Variants in CTNNA2 observed in about 807,000 individuals in gnomAD.
CTNNA2 encodes the protein catenin alpha-2.
CTNNA2 carries 42 observed loss-of-function variants against 101.0 expected under a neutral mutation model. The observed-to-expected ratio is 0.42, with a 90% CI of 0.32 to 0.54. The LOEUF is 0.54. CTNNA2 is among the 20% of genes least tolerant of loss of function. CTNNA2 has a pLI of 0.14. For missense variants in CTNNA2, 871 were observed against 1,223.1 expected (o/e 0.71, Z 4.29); for synonymous variants, 450 against 456.4 (o/e 0.99, Z 0.18).
At chr2:79,857,413 A>C (rs1387970697) in intron 3 of CTNNA2, among the ~76,000 whole-genome samples, 2 of 152,230 alleles carry the variant, frequency 1.3e-5, no homozygotes, top group African/African-American at 4.8e-5. Context: ...CTAGTACAGA[A>C]TCTGACACAA....
chr2:79,443,903 A>ACTCTCT (rs3979544), intron 4 of CTNNA2, among the ~76,000 whole-genome samples: 1,577 of 141,882 alleles, frequency 0.011, 13 homozygotes, highest in East Asian at 0.033. Context: ...TTGTATACAT[A>ACTCTCT]CTCTCTCTCT....
At chr2:80,456,138 T>A (rs1683957242) in intron 9 of CTNNA2, among the ~76,000 whole-genome samples, 2 of 152,164 alleles carry the variant, frequency 1.3e-5, no homozygotes, top group African/African-American at 4.8e-5. Flanking sequence ...GCTGAATGCA[T>A]CTCCTTCAGT....
chr2:80,289,930 G>A (rs1325524648), intron 7 of CTNNA2, among the ~76,000 whole-genome samples: 1 of 152,186 alleles, frequency 6.6e-6, no homozygotes, highest in Non-Finnish European at 1.5e-5. Flanking sequence ...TTAAATCCCT[G>A]TGGAGGAGAG....
At chr2:80,169,205 G>C (rs1366083458) in intron 7 of CTNNA2, among the ~76,000 whole-genome samples, 1 of 152,186 alleles carries the variant, frequency 6.6e-6, no homozygotes, top group Non-Finnish European at 1.5e-5. Context: ...TCCCCCAAAT[G>C]CTGTTATTTG....
At position 80,236,964 on chromosome 2, in the gene CTNNA2, T is replaced by C. The variant is rs116066154; in HGVS notation, c.1057-156247T>C. Among the ~76,000 whole-genome samples the C allele has an allele frequency of 6.9e-3, 1,048 of 152,280 alleles. 4 individuals carry two copies. Among genetic ancestry groups the C allele is most frequent in the Non-Finnish European group, 9.3e-3 (630 of 68,020 alleles). ...AGGGAAAGCAAAGAGAAGGAAGCTT[T>C]TTCAAACCTCTGTTTTAAGAGAGAA... On this transcript the variant is annotated intron_variant, in intron 7 of 18. Transcript: ENST00000402739.
intron 7 of CTNNA2, among the ~76,000 whole-genome samples, chr2:80,009,010 G>A (rs1388519666): frequency 6.6e-6 from 1 of 152,192 alleles, no homozygotes; most frequent in African/African-American, 2.4e-5. Context: ...ACAAAACAAA[G>A]TGAAAGACAT....
chr2:79,930,709 A>G (rs757404398), intron 7 of CTNNA2, among the ~76,000 whole-genome samples: 8 of 152,232 alleles, frequency 5.3e-5, no homozygotes, highest in South Asian at 4.1e-4. Context: ...CAGAAAATCA[A>G]TTCTATTCTA....
chr2:79,381,704 C>A (rs1190124447), intron 4 of CTNNA2, among the ~76,000 whole-genome samples: 1 of 152,210 alleles, frequency 6.6e-6, no homozygotes, highest in Non-Finnish European at 1.5e-5. Context: ...GCTCCAGCAG[C>A]ATATGACTTC....
chr2:79,995,603 G>A (rs950061454), intron 7 of CTNNA2, among the ~76,000 whole-genome samples: 2 of 152,066 alleles, frequency 1.3e-5, no homozygotes, highest in Admixed American at 6.6e-5. Context: ...TTGAGCTTAG[G>A]AGCTCAAGAC....
chr2:79,799,617 A>T (rs963452663), intron 3 of CTNNA2, among the ~76,000 whole-genome samples: 1 of 152,214 alleles, frequency 6.6e-6, no homozygotes, highest in Non-Finnish European at 1.5e-5. Flanking sequence ...TTTGGAACAG[A>T]TAATGAAGCT....
rs573795376 is a variant in CTNNA2 at position 80,384,557 on chromosome 2, G to A, written c.1057-8654G>A. On this transcript the variant is annotated intron_variant, in intron 7 of 18. Coordinates refer to ENST00000402739, the MANE Select transcript of CTNNA2 (RefSeq NM_001282597.3). ...GCCTTAATGAGGATGATGAGGGAAC[G>A]CAGTCAACAAAGGATGCTGTGGCAT... Among the ~76,000 whole-genome samples, 22 of 151,678 alleles carry A rather than the reference G, an allele frequency of 1.5e-4. No individual in the cohort carries two copies. The East Asian group carries it at 2.5e-3, about 17-fold the overall frequency.
chr2:80,423,065 T>G (rs1321789412), intron 9 of CTNNA2, among the ~76,000 whole-genome samples: 3 of 152,004 alleles, frequency 2.0e-5, no homozygotes, highest in African/African-American at 7.3e-5. Context: ...CCACTCCTCA[T>G]TTAGCTAATT....
At chr2:80,215,363 C>T (rs918600136) in intron 7 of CTNNA2, among the ~76,000 whole-genome samples, 2 of 152,170 alleles carry the variant, frequency 1.3e-5, no homozygotes, top group Non-Finnish European at 2.9e-5. Context: ...GAACTTTCAG[C>T]TTTTCTGCTC....
At chr2:80,216,679 G>T (rs1274032512) in intron 7 of CTNNA2, among the ~76,000 whole-genome samples, 1 of 152,256 alleles carries the variant, frequency 6.6e-6, no homozygotes, top group East Asian at 1.9e-4. Context: ...CTCCAGTCTT[G>T]GGCTTCCAGC....
At chr2:79,289,982 C>T (rs955354640) in intron 2 of CTNNA2, among the ~76,000 whole-genome samples, 4 of 152,124 alleles carry the variant, frequency 2.6e-5, no homozygotes, top group African/African-American at 9.7e-5. Flanking sequence ...AGGGAGATGT[C>T]ATACCTATTT....
At chr2:79,525,507 G>A (rs1171118455) in intron 1 of CTNNA2, among the ~76,000 whole-genome samples, 3 of 151,838 alleles carry the variant, frequency 2.0e-5, no homozygotes, top group African/African-American at 7.2e-5. Context: ...TATTAGGTTG[G>A]TGCAAAAGTA....
chr2:79,578,103 T>A (rs1431124189), intron 1 of CTNNA2, among the ~76,000 whole-genome samples: 11 of 152,134 alleles, frequency 7.2e-5, no homozygotes, highest in African/African-American at 2.7e-4. Flanking sequence ...AAATTGTAAA[T>A]GAACGAAAGC....
chr2:79,917,041 GGTTC>G, intron 7 of CTNNA2, among the ~76,000 whole-genome samples: 1 of 152,046 alleles, frequency 6.6e-6, no homozygotes, highest in South Asian at 2.1e-4. Flanking sequence ...CCGCCTCTCA[GGTTC>G]AAGCAATTCT....
Position 79,523,167 on chromosome 2 carries a change from T to C in CTNNA2, c.-6+9960T>C, listed in dbSNP as rs13389199. The C allele has an allele frequency of 5.0e-4, 184 of 367,028 alleles. 1 individual carries two copies. The highest frequency in any genetic ancestry group is 3.5e-3 in the African/African-American group (166 of 47,126). 22.7% of individuals were successfully genotyped at this position (367,028 alleles called of 1,614,324 possible). A position where few individuals can be genotyped will look rare whatever the true frequency, so the allele number is the denominator to read the frequency against. ...ATTAGTTTTTGTGTAACATTGCATTTTTTTGGAATTTAAGTATTCAATTTT... is the reference window on the plus strand; with the variant it reads ...ATTAGTTTTTGTGTAACATTGCATTCTTTTGGAATTTAAGTATTCAATTTT... On this transcript the variant is annotated intron_variant, in intron 1 of 18. Transcript: ENST00000402739.
Sources: allele counts gnomAD v4.1 joint callset (sites outside exome capture counted in the v4.1 genomes callset), GRCh38; gene constraint gnomAD v4.1.1; transcripts MANE v1.5; gene names NCBI Gene and HGNC (gene_info 2026-07-23, HGNC 2026-07-21).